The following TEX15 variants were observed in gnomAD, a reference collection of about 807,000 sequenced individuals.
TEX15 encodes the protein testis expressed 15, meiosis and synapsis associated, also known as testis-expressed protein 15.
A neutral mutation model predicts 237.3 loss-of-function variants in TEX15; 171 were observed. The ratio of observed to expected loss-of-function variants is 0.72; its 90% CI spans 0.64 to 0.82. The LOEUF is 0.82. Among genes scored for constraint, TEX15 ranks in the 40% least tolerant of loss-of-function variants. The pLI is 0.00. For missense variants in TEX15, 3,750 were observed against 3,646.5 expected (o/e 1.03, Z -0.73); for synonymous variants, 1,338 against 1,269.8 (o/e 1.05, Z -1.14).
In TEX15 at chr8:30,909,955, T is replaced by C. The variant is rs576174730; in HGVS notation, c.-86+2924A>G. Among the ~76,000 whole-genome samples the C allele has an allele frequency of 9.2e-5, 14 of 152,258 alleles. No homozygotes were observed. The South Asian group carries it at 1.9e-3, about 20-fold the overall frequency. On this transcript the variant is annotated intron_variant, in intron 1 of 10. Transcript: ENST00000643185. Reference sequence around the variant, plus strand: ...CCATTAGACCTAACAGGATAACATGTAGGCACTTCAAATCCCCTCTATCAT... The same window carrying C: ...CCATTAGACCTAACAGGATAACATGCAGGCACTTCAAATCCCCTCTATCAT...
At position 30,842,382 on chromosome 8, in the gene TEX15, C is replaced by T. The variant is rs1489219933; in HGVS notation, c.7785G>A (p.Leu2595=). Residue 2595 remains leucine (L), a synonymous_variant, in exon 8 of 11, where the codon CTG becomes CTA. Transcript: ENST00000643185. ...TCCTAGGGGCAGACATTACATTCTT[C>T]AGCAGTGTAGAAAATTGATTGTAGT... The part of the protein sequence containing the change: ...EYNYNQFSTL[L]KNVMSAPRKD... 4 of 1,613,684 alleles carry T rather than the reference C, an allele frequency of 2.5e-6. No individual in the cohort carries two copies. Among genetic ancestry groups the T allele is most frequent in the Non-Finnish European group, 3.4e-6 (4 of 1,179,860 alleles).
intron 2 of TEX15, chr8:30,888,826 CCAAT>C (rs1204359778): frequency 1.1e-5 from 4 of 354,922 alleles, no homozygotes; most frequent in Non-Finnish European, 2.1e-5. Context: ...TTGCAATCAC[CCAAT>C]CAAACATGGA....
chr8:30,833,381 T>C (rs1807224117), intron 10 of TEX15, 58 bp from the exon 11 acceptor site: 3 of 1,303,338 alleles, frequency 2.3e-6, no homozygotes, highest in African/African-American at 3.0e-5. Flanking sequence ...TGGTACATGA[T>C]ACTATAGTGG....
At chr8:30,880,859 TG>T (rs754927124) in intron 3 of TEX15, among the ~76,000 whole-genome samples, 10 of 152,306 alleles carry the variant, frequency 6.6e-5, no homozygotes, top group South Asian at 2.1e-4. Flanking sequence ...AATGAACAAT[TG>T]TTTTTTTATG....
chr8:30,881,090 A>G (rs1009493308), intron 3 of TEX15, among the ~76,000 whole-genome samples: 8 of 152,118 alleles, frequency 5.3e-5, no homozygotes, highest in Non-Finnish European at 1.2e-4. Flanking sequence ...GAGTGGTGCA[A>G]GAGAACATTC....
intron 3 of TEX15, among the ~76,000 whole-genome samples, chr8:30,884,607 C>G (rs1808606422): frequency 6.6e-6 from 1 of 152,128 alleles, no homozygotes; most frequent in African/African-American, 2.4e-5. Flanking sequence ...TCTAGGTCAC[C>G]AAATTTATGG....
Position 30,867,261 on chromosome 8 carries a change from C to T in TEX15, c.540+4G>A. ...ATACTTAATATTTGTTTTATGATACCTACCTTAAAAATTAAAATACTTTCT... is the reference window on the plus strand; with the variant it reads ...ATACTTAATATTTGTTTTATGATACTTACCTTAAAAATTAAAATACTTTCT... On this transcript the variant is annotated splice_donor_region_variant and intron_variant, in intron 5 of 10. Coordinates refer to ENST00000643185, the MANE Select transcript of TEX15 (RefSeq NM_001350162.2). 1 of 1,374,978 alleles carries T rather than the reference C, an allele frequency of 7.3e-7. No homozygotes were observed. The highest frequency in any genetic ancestry group is 1.0e-6 in the Non-Finnish European group (1 of 1,002,416). The allele number at this position is 1,374,978 out of a possible 1,614,324, so 85.2% of individuals were successfully genotyped here.
intron 2 of TEX15, among the ~76,000 whole-genome samples, chr8:30,896,386 A>G (rs1234157978): frequency 6.6e-6 from 1 of 152,260 alleles, no homozygotes. Context: ...GCCAAATCTC[A>G]GTCTTTTAGA....
chr8:30,910,330 G>A (rs1322341287), intron 1 of TEX15, among the ~76,000 whole-genome samples: 3 of 152,192 alleles, frequency 2.0e-5, no homozygotes, highest in East Asian at 1.9e-4. Flanking sequence ...ATACTAAAGC[G>A]GAAATTATCA....
intron 7 of TEX15, among the ~76,000 whole-genome samples, chr8:30,854,873 C>T (rs1003139365): frequency 3.3e-5 from 5 of 152,010 alleles, no homozygotes; most frequent in East Asian, 3.9e-4. Context: ...AAAACAACAA[C>T]AAAAAAAGTC....
chr8:30,906,594 G>GAAAAA (rs34052778), intron 1 of TEX15, among the ~76,000 whole-genome samples: 3 of 96,152 alleles, frequency 3.1e-5, no homozygotes, highest in Non-Finnish European at 5.1e-5. Flanking sequence ...CATCTCAAAA[G>GAAAAA]AAAAAAAAAA....
In TEX15 at chr8:30,843,303, G is replaced by A. The variant is rs747045040; in HGVS notation, c.6864C>T (p.Ser2288=). 1.2e-6 allele frequency: 2 copies of A among 1,610,410 alleles called. No homozygotes were observed. Among genetic ancestry groups the A allele is most frequent in the East Asian group, 4.5e-5 (2 of 44,826 alleles). The change falls in exon 8 of 11, where the codon AGC becomes AGT. Residue 2288 remains serine, a synonymous_variant. Coordinates refer to ENST00000643185, the MANE Select transcript of TEX15 (RefSeq NM_001350162.2). ...LVWKERTQSF[S]KKYSQKKDEE... ...CGTCCTTCTTTTGTGAGTATTTTTTGCTGAAGGATTGTGTTCTCTCTTTCC... is the reference window on the plus strand; with the variant it reads ...CGTCCTTCTTTTGTGAGTATTTTTTACTGAAGGATTGTGTTCTCTCTTTCC...
rs543966942 is a variant in TEX15, at chr8:30,905,280, A to G, written c.-85-6463T>C. On this transcript the variant is annotated intron_variant, in intron 1 of 10. Coordinates refer to ENST00000643185, the MANE Select transcript of TEX15 (RefSeq NM_001350162.2). ...AAAAGACTTCAAAAAAAAAAAAAAAACTGTAGGCAAAAGTTGAATATTATT... is the reference window on the plus strand; with the variant it reads ...AAAAGACTTCAAAAAAAAAAAAAAAGCTGTAGGCAAAAGTTGAATATTATT... 4.7e-5 allele frequency among the ~76,000 whole-genome samples: 7 copies of G among 149,008 alleles called. No individual in the cohort carries two copies. The East Asian group carries it at 1.4e-3, about 29-fold the overall frequency.
At chr8:30,860,248 A>T (rs763769719) in intron 5 of TEX15, among the ~76,000 whole-genome samples, 191 bp from the exon 6 acceptor site, 3 of 151,878 alleles carry the variant, frequency 2.0e-5, no homozygotes, top group Non-Finnish European at 2.9e-5. Context: ...GGCCCCGTTG[A>T]GTAGCTGGGA....
intron 3 of TEX15, among the ~76,000 whole-genome samples, chr8:30,878,625 G>A (rs1808451992): frequency 6.6e-6 from 1 of 152,096 alleles, no homozygotes; most frequent in South Asian, 2.1e-4. Context: ...GACCTCAGGT[G>A]ATCCACCTGC....
intron 10 of TEX15, among the ~76,000 whole-genome samples, chr8:30,834,763 C>T (rs1181151046): frequency 1.3e-5 from 2 of 152,148 alleles, no homozygotes; most frequent in Non-Finnish European, 2.9e-5. Flanking sequence ...AAGGGCTCTG[C>T]ATTCCAGGCT....
chr8:30,857,119 A>C (rs935922128), intron 7 of TEX15, among the ~76,000 whole-genome samples: 5 of 152,228 alleles, frequency 3.3e-5, no homozygotes, highest in Admixed American at 3.3e-4. Flanking sequence ...TAGAGAGTCC[A>C]GTAAGAGATC....
intron 3 of TEX15, among the ~76,000 whole-genome samples, chr8:30,884,709 G>C (rs1016254766): frequency 1.3e-5 from 2 of 151,964 alleles, no homozygotes; most frequent in Non-Finnish European, 2.9e-5. Flanking sequence ...AGTAATCTGT[G>C]CTCCCTTTTT....
At chr8:30,849,411 G>A (rs1044437949) in intron 7 of TEX15, 95 bp from the exon 8 acceptor site, 9 of 692,230 alleles carry the variant, frequency 1.3e-5, no homozygotes, top group Non-Finnish European at 1.8e-5. Context: ...TTAATTGAAA[G>A]TTCAGCTAAT....
Sources: allele counts gnomAD v4.1 joint callset (sites outside exome capture counted in the v4.1 genomes callset), GRCh38; gene constraint gnomAD v4.1.1; transcripts MANE v1.5; gene names NCBI Gene and HGNC (gene_info 2026-07-23, HGNC 2026-07-21).